The following NAALADL2 variants were observed in gnomAD, a reference collection of about 807,000 sequenced individuals.
NAALADL2 encodes N-acetylated alpha-linked acidic dipeptidase like 2, also known as inactive N-acetylated-alpha-linked acidic dipeptidase-like protein 2.
A neutral mutation model predicts 87.2 loss-of-function variants in NAALADL2; 76 were observed. The ratio of observed to expected loss-of-function variants is 0.87; its 90% confidence interval spans 0.72 to 1.05. The LOEUF (loss-of-function observed/expected upper bound fraction) is 1.05, where lower values mean the gene tolerates loss of function less well. Among genes scored for constraint, NAALADL2 ranks in the 50% least tolerant of loss-of-function variants. NAALADL2 has a pLI of 0.00. For missense variants in NAALADL2, 1,089 were observed against 945.8 expected, an observed-to-expected ratio of 1.15 and a Z score of -1.99; for synonymous variants, 354 against 331.0, an observed-to-expected ratio of 1.07 and a Z score of -0.75.
At chr3:175,792,054 G>T (rs981870170) in intron 13 of NAALADL2, among the ~76,000 whole-genome samples, 1 of 152,012 alleles carries the variant, frequency 6.6e-6, no homozygotes, top group African/African-American at 2.4e-5. Flanking sequence ...GAAATGAGAT[G>T]ATTTTACTTT....
At chr3:175,013,458 C>A (rs1750420995) in intron 1 of NAALADL2, among the ~76,000 whole-genome samples, 1 of 149,468 alleles carries the variant, frequency 6.7e-6, no homozygotes, top group African/African-American at 2.5e-5. Flanking sequence ...ACCACCACGC[C>A]CAGCTAATTT....
intron 3 of NAALADL2, among the ~76,000 whole-genome samples, chr3:174,836,141 A>T (rs75654711): frequency 0.01 from 1,546 of 152,324 alleles, 11 homozygotes; most frequent in Middle Eastern, 0.017. Context: ...ACAGTGGAAT[A>T]CCATTCAGTC....
chr3:175,634,234 G>A (rs776425760), intron 11 of NAALADL2, among the ~76,000 whole-genome samples: 6 of 151,684 alleles, frequency 4.0e-5, no homozygotes, highest in East Asian at 1.9e-4. Context: ...CCTTAGAGTC[G>A]ATTAACCTTG....
At chr3:175,278,669 A>G (rs950385207) in intron 4 of NAALADL2, among the ~76,000 whole-genome samples, 1 of 152,144 alleles carries the variant, frequency 6.6e-6, no homozygotes, top group Admixed American at 6.5e-5. Context: ...ATGTGATATG[A>G]TTTAAATGCA....
chr3:175,546,998 G>A (rs1713446493), intron 9 of NAALADL2, among the ~76,000 whole-genome samples: 1 of 152,058 alleles, frequency 6.6e-6, no homozygotes, highest in South Asian at 2.1e-4. Context: ...ATTGCACAAA[G>A]CAATTTATGG....
At chr3:175,556,855 A>G (rs991596225) in intron 9 of NAALADL2, among the ~76,000 whole-genome samples, 7 of 152,202 alleles carry the variant, frequency 4.6e-5, no homozygotes, top group African/African-American at 1.4e-4. Flanking sequence ...AGATGGTTTT[A>G]ACAGTCTCAT....
At chr3:174,530,542 G>A (rs1257472653) in intron 1 of NAALADL2, among the ~76,000 whole-genome samples, 1 of 152,142 alleles carries the variant, frequency 6.6e-6, no homozygotes, top group Non-Finnish European at 1.5e-5. Flanking sequence ...AGACATACTC[G>A]AGACTGGGCA....
intron 2 of NAALADL2, among the ~76,000 whole-genome samples, chr3:174,576,082 C>T (rs1010336939): frequency 2.0e-5 from 3 of 151,956 alleles, no homozygotes; most frequent in Non-Finnish European, 2.9e-5. Flanking sequence ...AGGCTGGTCT[C>T]GAACTCCTGG....
chr3:175,069,456 A>C (rs1367262908), intron 1 of NAALADL2, among the ~76,000 whole-genome samples: 1 of 149,610 alleles, frequency 6.7e-6, no homozygotes, highest in African/African-American at 2.5e-5. Context: ...TCAAAAGCAC[A>C]ATGAGATACC....
intron 1 of NAALADL2, among the ~76,000 whole-genome samples, chr3:175,002,205 A>G (rs559982028): frequency 6.6e-6 from 1 of 152,168 alleles, no homozygotes; most frequent in Non-Finnish European, 1.5e-5. Context: ...TGAAAAGGTC[A>G]CAAAGACTTG....
At chr3:175,607,418 A>AC (rs1310666290) in intron 10 of NAALADL2, among the ~76,000 whole-genome samples, 1 of 152,164 alleles carries the variant, frequency 6.6e-6, no homozygotes, top group African/African-American at 2.4e-5. Flanking sequence ...CATATCAAAA[A>AC]CTTTTTCAAC....
intron 4 of NAALADL2, among the ~76,000 whole-genome samples, chr3:175,262,217 C>T (rs1268772748): frequency 1.3e-5 from 2 of 151,900 alleles, no homozygotes; most frequent in Non-Finnish European, 2.9e-5. Flanking sequence ...AAAGTTAATG[C>T]TGAGAAATAT....
At chr3:175,224,196 C>T (rs909241358) in intron 2 of NAALADL2, among the ~76,000 whole-genome samples, 2 of 151,930 alleles carry the variant, frequency 1.3e-5, no homozygotes, top group African/African-American at 2.4e-5. Context: ...GTAGTCTGGG[C>T]GGTTTGGCTT....
At chr3:175,330,587 A>G (rs893055144) in intron 5 of NAALADL2, among the ~76,000 whole-genome samples, 1 of 152,212 alleles carries the variant, frequency 6.6e-6, no homozygotes, top group African/African-American at 2.4e-5. Flanking sequence ...CAGGTTAAGG[A>G]GGGAAAAAAT....
At chr3:174,943,370 T>C (rs1382697169) in intron 1 of NAALADL2, among the ~76,000 whole-genome samples, 5 of 152,140 alleles carry the variant, frequency 3.3e-5, no homozygotes, top group Non-Finnish European at 7.4e-5. Context: ...TACTGGTCAG[T>C]TGGTAGACTC....
intron 2 of NAALADL2, among the ~76,000 whole-genome samples, chr3:174,612,043 A>G (rs1719956493): frequency 6.6e-6 from 1 of 152,030 alleles, no homozygotes; most frequent in South Asian, 2.1e-4. Flanking sequence ...TCATGTTTGA[A>G]AGATATTTTC....
chr3:175,013,133 T>TATAAATATATATAC lies in NAALADL2; in HGVS notation c.44-83649_44-83648insATATACATAAATAT, dbSNP rs1560475134. On this transcript the variant is annotated intron_variant, in intron 1 of 13. Coordinates refer to ENST00000454872, the MANE Select transcript of NAALADL2 (RefSeq NM_207015.3). ...TTATATATAAATATACATATTTATATATAAATATGTAATACATATTTATAT... is the reference window on the plus strand; with the variant it reads ...TTATATATAAATATACATATTTATATATAAATATATATACATAAATATGTAATACATATTTATAT... Among the ~76,000 whole-genome samples, 30 of 99,836 alleles carry TATAAATATATATAC rather than the reference T, an allele frequency of 3.0e-4. 4 individuals carry two copies. The highest frequency in any genetic ancestry group is 1.2e-3 in the African/African-American group (29 of 24,918). The allele number at this position is 99,836 out of a possible 152,430, so 65.5% of individuals were successfully genotyped here. A position where few individuals can be genotyped will look rare whatever the true frequency, so the allele number is the denominator to read the frequency against.
At chr3:175,267,984 GTT>G (rs1204742436) in intron 4 of NAALADL2, among the ~76,000 whole-genome samples, 1 of 152,112 alleles carries the variant, frequency 6.6e-6, no homozygotes, top group South Asian at 2.1e-4. Context: ...TATTGTTATT[GTT>G]TTGTAACCAT....
intron 1 of NAALADL2, among the ~76,000 whole-genome samples, chr3:174,889,231 T>A (rs1730575045): frequency 6.6e-6 from 1 of 152,222 alleles, no homozygotes; most frequent in South Asian, 2.1e-4. Flanking sequence ...CTTTATGATG[T>A]TTCCTTTACT....
Sources: allele counts gnomAD v4.1 joint callset (sites outside exome capture counted in the v4.1 genomes callset), GRCh38; gene constraint gnomAD v4.1.1; transcripts MANE v1.5; gene names NCBI Gene and HGNC (gene_info 2026-07-23, HGNC 2026-07-21).